Variants in IL1RAPL2 observed in about 807,000 individuals in gnomAD.
IL1RAPL2 encodes X-linked interleukin-1 receptor accessory protein-like 2.
IL1RAPL2 carries 3 observed loss-of-function variants against 44.1 expected under a neutral mutation model. The observed-to-expected ratio is 0.07, with a 90% CI of 0.03 to 0.18. The LOEUF (loss-of-function observed/expected upper bound fraction) is 0.18. Ranked by LOEUF, IL1RAPL2 falls within the 10% of genes least tolerant of loss-of-function variation. IL1RAPL2 has a pLI of 1.00. For synonymous variants in IL1RAPL2, 181 were observed against 178.8 expected (o/e 1.01, Z -0.10); for missense variants, 391 against 496.4 (o/e 0.79, Z 2.02).
At chrX:104,604,182 C>T (rs981610855) in intron 1 of IL1RAPL2, among the ~76,000 whole-genome samples, 1 of 111,620 alleles carries the variant, frequency 9.0e-6, no homozygotes, top group East Asian at 2.8e-4. Context: ...AATTTCAACC[C>T]AGAATTTCAT....
chrX:105,293,567 G>A (rs2034631708), intron 5 of IL1RAPL2, among the ~76,000 whole-genome samples: 1 of 111,565 alleles, frequency 9.0e-6, no homozygotes, highest in African/African-American at 3.3e-5. Flanking sequence ...GAGCATATAG[G>A]GAAAAAATTA....
At chrX:105,434,969 A>G (rs892802455) in intron 5 of IL1RAPL2, among the ~76,000 whole-genome samples, 2 of 111,723 alleles carry the variant, frequency 1.8e-5, no homozygotes, top group Non-Finnish European at 3.8e-5. Flanking sequence ...TAAACGGGTA[A>G]TAGTTTTCCC....
intron 5 of IL1RAPL2, among the ~76,000 whole-genome samples, chrX:105,386,335 A>G (rs974296356): frequency 9.0e-6 from 1 of 111,687 alleles, no homozygotes; most frequent in African/African-American, 3.2e-5. Flanking sequence ...ACTATGTACT[A>G]CTGAAAAGTG....
chrX:105,491,725 T>C (rs1182698641), intron 6 of IL1RAPL2, among the ~76,000 whole-genome samples: 1 of 112,064 alleles, frequency 8.9e-6, no homozygotes, highest in Non-Finnish European at 1.9e-5. Context: ...CCAGATCATA[T>C]ACCATGTGCA....
chrX:105,276,069 C>T (rs752839546), intron 5 of IL1RAPL2, among the ~76,000 whole-genome samples: 1 of 112,510 alleles, frequency 8.9e-6, no homozygotes, highest in African/African-American at 3.2e-5. Flanking sequence ...AAACGATTTA[C>T]TACTGATGTC....
Position 105,479,499 on chromosome X carries a change from G to A in IL1RAPL2, c.698-4814G>A, listed in dbSNP as rs531919323. Among the ~76,000 whole-genome samples, 20 of 110,648 alleles carry A rather than the reference G, an allele frequency of 1.8e-4. No individual in the cohort carries two copies. In the South Asian group the frequency reaches 7.3e-3, roughly 40 times the overall value. ...TCACACCTGTAATCCCAGCACTTTG[G>A]AAGGCCGAGGCGGGTGGATTACCTG... On this transcript the variant is annotated intron_variant, in intron 5 of 10. Transcript: ENST00000372582.
intron 6 of IL1RAPL2, among the ~76,000 whole-genome samples, chrX:105,713,403 G>C (rs1234444174): frequency 9.0e-6 from 1 of 111,369 alleles, no homozygotes; most frequent in African/African-American, 3.3e-5. Flanking sequence ...CTGTACACCT[G>C]CAGGCCCAAC....
chrX:105,217,383 A>T (rs190265998), intron 3 of IL1RAPL2, among the ~76,000 whole-genome samples: 2 of 112,318 alleles, frequency 1.8e-5, no homozygotes, highest in Admixed American at 1.9e-4. Context: ...GGAAATGCAA[A>T]TCAAAACCAC....
chrX:104,672,206 TA>T (rs1385480367), intron 2 of IL1RAPL2, among the ~76,000 whole-genome samples: 1 of 111,370 alleles, frequency 9.0e-6, no homozygotes, highest in African/African-American at 3.3e-5. Context: ...CTGCACCCAC[TA>T]ACTCGTCATC....
intron 6 of IL1RAPL2, among the ~76,000 whole-genome samples, chrX:105,540,463 G>T (rs747573852): frequency 7.3e-5 from 8 of 110,093 alleles, no homozygotes; most frequent in Non-Finnish European, 1.5e-4. Flanking sequence ...CTCACAAGTG[G>T]GAGCTGAATA....
intron 2 of IL1RAPL2, among the ~76,000 whole-genome samples, chrX:104,869,457 T>C (rs1922700919): frequency 8.9e-6 from 1 of 112,034 alleles, no homozygotes; most frequent in Admixed American, 9.5e-5. Flanking sequence ...AACTTCTTCC[T>C]TTTAAAATAA....
chrX:105,530,697 G>T (rs1235516819), intron 6 of IL1RAPL2, among the ~76,000 whole-genome samples: 1 of 109,571 alleles, frequency 9.1e-6, no homozygotes, highest in Admixed American at 9.8e-5. Context: ...TCTATCTTTT[G>T]TACACATTAG....
At chrX:105,271,801 A>G (rs1255435244) in intron 5 of IL1RAPL2, among the ~76,000 whole-genome samples, 1 of 108,905 alleles carries the variant, frequency 9.2e-6, no homozygotes, top group Non-Finnish European at 1.9e-5. Flanking sequence ...CTTTGAAGCA[A>G]TTGTGAATGG....
At chrX:105,437,116 T>A (rs2035887583) in intron 5 of IL1RAPL2, among the ~76,000 whole-genome samples, 1 of 108,301 alleles carries the variant, frequency 9.2e-6, no homozygotes, top group Admixed American at 1.0e-4. Context: ...TTAAAACTTA[T>A]GTAATAGTGA....
At chrX:104,865,561 T>C (rs944609411) in intron 2 of IL1RAPL2, among the ~76,000 whole-genome samples, 1 of 111,665 alleles carries the variant, frequency 9.0e-6, no homozygotes, top group African/African-American at 3.3e-5. Context: ...GATTAACATT[T>C]GAGTCAGTGG....
chrX:105,217,616 T>A (rs1460471315), intron 3 of IL1RAPL2, among the ~76,000 whole-genome samples: 1 of 111,960 alleles, frequency 8.9e-6, no homozygotes, highest in Non-Finnish European at 1.9e-5. Flanking sequence ...ACCCAAAGGA[T>A]TATAAAACAT....
chrX:104,929,485 T>A (rs1468469987), intron 2 of IL1RAPL2, among the ~76,000 whole-genome samples: 1 of 111,823 alleles, frequency 8.9e-6, no homozygotes, highest in Non-Finnish European at 1.9e-5. Context: ...CAACATACAT[T>A]CTCAGTTCCA....
chrX:104,810,136 T>G (rs1932962976), intron 2 of IL1RAPL2, among the ~76,000 whole-genome samples: 1 of 109,376 alleles, frequency 9.1e-6, no homozygotes, highest in African/African-American at 3.3e-5. Flanking sequence ...AAATTGGAAA[T>G]CATCATTCTC....
At chrX:104,941,919 G>A (rs1248193970) in intron 2 of IL1RAPL2, among the ~76,000 whole-genome samples, 1 of 111,547 alleles carries the variant, frequency 9.0e-6, no homozygotes, top group Non-Finnish European at 1.9e-5. Flanking sequence ...TCTACATATG[G>A]CTAGCCAGTT....
Sources: allele counts gnomAD v4.1 joint callset (sites outside exome capture counted in the v4.1 genomes callset), GRCh38; gene constraint gnomAD v4.1.1; transcripts MANE v1.5; gene names NCBI Gene and HGNC (gene_info 2026-07-23, HGNC 2026-07-21).